Variants in RGS8 observed in about 807,000 individuals in gnomAD.
RGS8 encodes the protein regulator of G-protein signaling 8.
In RGS8, 8 loss-of-function variants were observed where a neutral mutation model predicts 21.7. The ratio of observed to expected loss-of-function variants is 0.37; its 90% CI spans 0.22 to 0.66. The LOEUF is 0.66. Ranked by LOEUF, RGS8 falls within the 30% of genes least tolerant of loss-of-function variation. The pLI is 0.59. For synonymous variants in RGS8, 80 were observed against 83.6 expected, an observed-to-expected ratio of 0.96 and a Z score of 0.24; for missense variants, 157 against 217.9, an observed-to-expected ratio of 0.72 and a Z score of 1.76.
chr1:182,717,343 C>T, the RGS8 span, among the ~76,000 whole-genome samples: 4 of 152,210 alleles, frequency 2.6e-5, no homozygotes, highest in African/African-American at 9.7e-5. Context: ...CTCCTGGAAC[C>T]ATCAATTACT....
the RGS8 span, among the ~76,000 whole-genome samples, chr1:182,704,584 C>G: frequency 6.6e-6 from 1 of 152,204 alleles, no homozygotes; most frequent in Non-Finnish European, 1.5e-5. Flanking sequence ...CAGTACTAAC[C>G]CTTCCCCTAG....
the RGS8 span, among the ~76,000 whole-genome samples, chr1:182,694,090 T>C: frequency 1.7e-4 from 26 of 151,476 alleles, no homozygotes; most frequent in Non-Finnish European, 2.5e-4. Context: ...TTTACCTATA[T>C]AATAAACCTT....
intron 5 of RGS8, among the ~76,000 whole-genome samples, chr1:182,653,296 G>A (rs1663108048): frequency 1.3e-5 from 2 of 152,142 alleles, no homozygotes; most frequent in Admixed American, 6.5e-5. Context: ...CAGTCATTCA[G>A]ATGATGCCTG....
At chr1:182,695,928 C>T in the RGS8 span, among the ~76,000 whole-genome samples, 14 of 152,286 alleles carry the variant, frequency 9.2e-5, no homozygotes, top group South Asian at 2.3e-3. Flanking sequence ...CTACACCTGC[C>T]ATTTACAAGC....
the RGS8 span, among the ~76,000 whole-genome samples, chr1:182,746,841 G>A: frequency 6.6e-6 from 1 of 152,044 alleles, no homozygotes; most frequent in African/African-American, 2.4e-5. Context: ...TTAAACAAAA[G>A]ACAATGTCTT....
At chr1:182,697,823 C>T in the RGS8 span, among the ~76,000 whole-genome samples, 3 of 152,150 alleles carry the variant, frequency 2.0e-5, no homozygotes, top group Admixed American at 6.5e-5. Flanking sequence ...AAACATAATT[C>T]GTCTTTCAAT....
At chr1:182,658,819 C>T (rs1303711181) in intron 5 of RGS8, among the ~76,000 whole-genome samples, 1 of 152,168 alleles carries the variant, frequency 6.6e-6, no homozygotes, top group Non-Finnish European at 1.5e-5. Flanking sequence ...TGCACTCCAG[C>T]CCCGGCAACA....
chr1:182,741,784 G>A, the RGS8 span, among the ~76,000 whole-genome samples: 7 of 106,358 alleles, frequency 6.6e-5, no homozygotes, highest in African/African-American at 9.4e-5. Flanking sequence ...CGGACGGGGC[G>A]GCTGGCCGCG....
At chr1:182,651,151 T>C (rs1297375607) in intron 5 of RGS8, among the ~76,000 whole-genome samples, 4 of 152,224 alleles carry the variant, frequency 2.6e-5, no homozygotes, top group Non-Finnish European at 5.9e-5. Flanking sequence ...CGGCAATGTT[T>C]AGGCAGAGAT....
the RGS8 span, among the ~76,000 whole-genome samples, chr1:182,698,921 A>G: frequency 2.0e-5 from 3 of 152,206 alleles, no homozygotes; most frequent in African/African-American, 7.2e-5. Context: ...TGTCTCCGTA[A>G]TGAATGTGGA....
chr1:182,697,734 G>A, the RGS8 span, among the ~76,000 whole-genome samples: 5 of 152,068 alleles, frequency 3.3e-5, no homozygotes, highest in African/African-American at 1.2e-4. Flanking sequence ...CTTATAATCA[G>A]TGTGTATCTA....
chr1:182,741,830 G>A, the RGS8 span, among the ~76,000 whole-genome samples: 1 of 132,352 alleles, frequency 7.6e-6, no homozygotes, highest in African/African-American at 2.8e-5. Flanking sequence ...GGGGCGGCCG[G>A]GCAGAGGCGC....
downstream of RGS8, chr1:182,642,051 G>A (rs1439526013): frequency 6.6e-6 from 1 of 152,274 alleles, no homozygotes; most frequent in Admixed American, 6.5e-5. Context: ...CTGGCAGAGG[G>A]AAGGGAGTGG....
the RGS8 span, among the ~76,000 whole-genome samples, chr1:182,714,039 G>A: frequency 6.6e-6 from 1 of 151,950 alleles, no homozygotes; most frequent in Non-Finnish European, 1.5e-5. Flanking sequence ...TTTGACTTTT[G>A]AGACTCATCT....
the RGS8 span, among the ~76,000 whole-genome samples, chr1:182,730,633 C>A: frequency 6.6e-6 from 1 of 151,890 alleles, no homozygotes; most frequent in African/African-American, 2.4e-5. Context: ...TTGCTTGATC[C>A]CGGGAGACGG....
chr1:182,704,799 G>A, the RGS8 span, among the ~76,000 whole-genome samples: 1 of 152,154 alleles, frequency 6.6e-6, no homozygotes, highest in Admixed American at 6.5e-5. Context: ...CTAGGGATGA[G>A]TGAAGAATTC....
the RGS8 span, among the ~76,000 whole-genome samples, chr1:182,699,428 T>C: frequency 6.6e-6 from 1 of 152,208 alleles, no homozygotes; most frequent in Non-Finnish European, 1.5e-5. Context: ...ATTAGTTCCC[T>C]GGGCCCAGGC....
At chr1:182,713,801 A>G in the RGS8 span, among the ~76,000 whole-genome samples, 1 of 152,218 alleles carries the variant, frequency 6.6e-6, no homozygotes, top group African/African-American at 2.4e-5. Flanking sequence ...TGACCCCATC[A>G]TTGCCTGTTT....
chr1:182,737,569 T>C, the RGS8 span, among the ~76,000 whole-genome samples: 2 of 152,222 alleles, frequency 1.3e-5, no homozygotes, highest in Admixed American at 1.3e-4. Context: ...TCTTGCCTGC[T>C]GCATGTAAGA....
Sources: allele counts gnomAD v4.1 joint callset (sites outside exome capture counted in the v4.1 genomes callset), GRCh38; gene constraint gnomAD v4.1.1; transcripts MANE v1.5; gene names NCBI Gene and HGNC (gene_info 2026-07-23, HGNC 2026-07-21).